RSRC1: variants seen among roughly 807,000 people sequenced by gnomAD.
The protein encoded by RSRC1 is serine/Arginine-related protein 53.
RSRC1 carries 39 observed loss-of-function variants against 49.1 expected under a neutral mutation model. The observed-to-expected ratio is 0.79, with a 90% CI of 0.61 to 1.04. The LOEUF (loss-of-function observed/expected upper bound fraction) is 1.04, where lower values mean the gene tolerates loss of function less well. RSRC1 is among the 50% of genes least tolerant of loss of function. The pLI is 0.00. For synonymous variants in RSRC1, 143 were observed against 130.8 expected (o/e 1.09, Z -0.63); for missense variants, 388 against 402.4 (o/e 0.96, Z 0.31).
intron 3 of RSRC1, among the ~76,000 whole-genome samples, chr3:158,198,545 G>C (rs955720654): frequency 1.3e-5 from 2 of 152,258 alleles, no homozygotes; most frequent in African/African-American, 2.4e-5. Context: ...ATGTTAGCTG[G>C]TTATTTTGCT....
At chr3:158,234,041 C>A (rs2107976393) in intron 4 of RSRC1, among the ~76,000 whole-genome samples, 1 of 152,276 alleles carries the variant, frequency 6.6e-6, no homozygotes, top group African/African-American at 2.4e-5. Flanking sequence ...TCGCCTCAAT[C>A]TAATTAGGGG....
At chr3:158,229,904 A>C (rs907175540) in intron 4 of RSRC1, among the ~76,000 whole-genome samples, 3 of 152,040 alleles carry the variant, frequency 2.0e-5, no homozygotes, top group African/African-American at 7.2e-5. Context: ...AATCAAAATT[A>C]AGAAATTTAA....
chr3:158,480,367 T>C (rs1738559351), intron 7 of RSRC1, among the ~76,000 whole-genome samples: 2 of 152,042 alleles, frequency 1.3e-5, no homozygotes, highest in Non-Finnish European at 2.9e-5. Flanking sequence ...TTTTCAGTTA[T>C]TTAGTCTTTA....
intron 7 of RSRC1, among the ~76,000 whole-genome samples, chr3:158,527,688 A>G (rs1006872706): frequency 3.3e-5 from 5 of 151,946 alleles, no homozygotes; most frequent in South Asian, 4.1e-4. Context: ...ACAATTTTTT[A>G]AAAATAAGGA....
At chr3:158,258,981 ACCTTCCTTACAACAG>A (rs760240875) in intron 4 of RSRC1, among the ~76,000 whole-genome samples, 2 of 151,998 alleles carry the variant, frequency 1.3e-5, no homozygotes, top group African/African-American at 2.4e-5. Context: ...GATTTTGTTC[ACCTTCCTTACAACAG>A]CTATTTTGAA....
At chr3:158,276,182 T>C (rs1725800640) in intron 4 of RSRC1, 1 of 851,386 alleles carries the variant, frequency 1.2e-6, no homozygotes, top group African/African-American at 1.7e-5. Context: ...GCTTGCCATA[T>C]GTTGCACCCT....
At chr3:158,494,726 G>A (rs1183650362) in intron 7 of RSRC1, among the ~76,000 whole-genome samples, 8 of 151,188 alleles carry the variant, frequency 5.3e-5, no homozygotes, top group East Asian at 1.9e-4. Context: ...AAACTTTTTC[G>A]TTAAAACTAG....
At chr3:158,535,910 T>G (rs1303660571) in intron 7 of RSRC1, among the ~76,000 whole-genome samples, 1 of 151,464 alleles carries the variant, frequency 6.6e-6, no homozygotes. Flanking sequence ...AGTCACTGAA[T>G]AGTTAATGAG....
At position 158,124,698 on chromosome 3, in the gene RSRC1, T is replaced by C. The variant is rs1370759318; in HGVS notation, c.320+707T>C. On this transcript the variant is annotated intron_variant, in intron 3 of 9. Transcript: ENST00000611884. ...TCCACTTTTTCTAGGTTATCCAGTT[T>C]ATTAGCATTCTTAGTAGTCTTTTAT... Among the ~76,000 whole-genome samples, 7 of 152,342 alleles carry C rather than the reference T, an allele frequency of 4.6e-5. No homozygotes were observed. In the East Asian group the frequency reaches 1.3e-3, roughly 29 times the overall value.
chr3:158,337,279 C>G lies in RSRC1; in HGVS notation c.532-17578C>G, dbSNP rs115057719. ...AAGTCCTTGCTATCATGAAGACATTCATCATCTGCACTTCCAACTAAAATC... is the reference window on the plus strand; with the variant it reads ...AAGTCCTTGCTATCATGAAGACATTGATCATCTGCACTTCCAACTAAAATC... On this transcript the variant is annotated intron_variant, in intron 5 of 9. Transcript: ENST00000611884. Among the ~76,000 whole-genome samples the G allele has an allele frequency of 4.3e-3, 649 of 152,318 alleles. 4 individuals are homozygous for G. Among genetic ancestry groups the G allele is most frequent in the African/African-American group, 0.015 (623 of 41,576 alleles).
intron 7 of RSRC1, among the ~76,000 whole-genome samples, chr3:158,509,101 T>C (rs761091469): frequency 4.6e-5 from 7 of 152,208 alleles, no homozygotes; most frequent in Non-Finnish European, 8.8e-5. Flanking sequence ...TTTACTACTG[T>C]CATTTCTTCT....
intron 4 of RSRC1, among the ~76,000 whole-genome samples, chr3:158,271,417 TTTGATG>T (rs1301661709): frequency 3.9e-5 from 6 of 152,136 alleles, no homozygotes; most frequent in Non-Finnish European, 7.4e-5. Context: ...GTTGGATGGA[TTTGATG>T]GATACAGGCC....
At chr3:158,349,040 C>T (rs983256181) in intron 5 of RSRC1, among the ~76,000 whole-genome samples, 1 of 151,820 alleles carries the variant, frequency 6.6e-6, no homozygotes, top group East Asian at 1.9e-4. Flanking sequence ...TTGTAAATAA[C>T]ACTGCAATCA....
chr3:158,464,341 C>T (rs142504758), intron 7 of RSRC1, among the ~76,000 whole-genome samples: 1 of 152,228 alleles, frequency 6.6e-6, no homozygotes, highest in African/African-American at 2.4e-5. Context: ...TTTGACTTCT[C>T]TCTAATATGA....
At chr3:158,252,663 G>A (rs1052636051) in intron 4 of RSRC1, among the ~76,000 whole-genome samples, 2 of 152,138 alleles carry the variant, frequency 1.3e-5, no homozygotes, top group African/African-American at 2.4e-5. Flanking sequence ...AGTAGGATTG[G>A]AATAAGTTCT....
At chr3:158,472,182 G>A (rs1578520412) in intron 7 of RSRC1, among the ~76,000 whole-genome samples, 2 of 151,872 alleles carry the variant, frequency 1.3e-5, no homozygotes, top group South Asian at 4.2e-4. Context: ...CCAAGATAAG[G>A]TTGTTTTTTA....
chr3:158,118,829 T>C (rs1225640933), intron 1 of RSRC1, among the ~76,000 whole-genome samples: 1 of 152,188 alleles, frequency 6.6e-6, no homozygotes, highest in Admixed American at 6.5e-5. Context: ...TATAGGGTGA[T>C]TGGGTGGGGG....
chr3:158,372,046 T>TTTTTTTTTTTTTTTTTTTTTTTTTTG (rs1247998134), intron 6 of RSRC1, among the ~76,000 whole-genome samples: 6 of 139,712 alleles, frequency 4.3e-5, no homozygotes, highest in Non-Finnish European at 8.3e-5. Context: ...TGCTGAGTTT[T>TTTTTTTTTTTTTTTTTTTTTTTTTTG]AAGAGTTTGT....
intron 6 of RSRC1, among the ~76,000 whole-genome samples, chr3:158,386,183 A>T (rs527883715): frequency 5.2e-4 from 79 of 152,148 alleles, no homozygotes; most frequent in African/African-American, 1.7e-3. Flanking sequence ...GGCATTTTTT[A>T]AAAAAGCTGT....
Sources: gnomAD v4.1 joint callset for allele counts (sites outside exome capture counted in the v4.1 genomes callset) on GRCh38, gnomAD v4.1.1 for gene constraint, MANE v1.5 for transcripts, NCBI Gene and HGNC (gene_info 2026-07-23, HGNC 2026-07-21) for gene names.